Variants in RFFL observed in about 807,000 individuals in gnomAD.
The protein encoded by RFFL is ring finger and FYVE like domain containing E3 ubiquitin protein ligase, also known as E3 ubiquitin-protein ligase rififylin.
Under a neutral mutation model 40.4 loss-of-function variants are expected in RFFL, and 16 were observed. That is an observed-to-expected ratio of 0.40 (90% CI 0.27 to 0.60). RFFL has a LOEUF of 0.60. RFFL is among the 20% of genes least tolerant of loss of function. The pLI, the probability that RFFL is intolerant of heterozygous loss-of-function variation, is 0.47. For missense variants in RFFL, 367 were observed against 451.7 expected (o/e 0.81, Z 1.70); for synonymous variants, 154 against 167.9 (o/e 0.92, Z 0.64).
At chr17:35,017,982 C>T (rs1225155147) in intron 3 of RFFL, among the ~76,000 whole-genome samples, 3 of 152,180 alleles carry the variant, frequency 2.0e-5, no homozygotes, top group East Asian at 1.9e-4. Context: ...TTTCTTGACA[C>T]TGATCCAAAA....
chr17:35,078,682 G>A (rs1327110587), intron 1 of RFFL, among the ~76,000 whole-genome samples: 1 of 152,154 alleles, frequency 6.6e-6, no homozygotes, highest in Non-Finnish European at 1.5e-5. Flanking sequence ...CTTAAAAAGG[G>A]ATAGGCTGGG....
chr17:35,026,684 A>G, intron 1 of RFFL, 123 bp from the exon 2 acceptor site: 1 of 723,260 alleles, frequency 1.4e-6, no homozygotes, highest in South Asian at 1.7e-5. Context: ...GGTGGAGGGG[A>G]GGATGTGTTT....
At position 35,026,070 on chromosome 17, in the gene RFFL, G is replaced by A. The variant is rs1243207310; in HGVS notation, c.180+304C>T. Among the ~76,000 whole-genome samples the A allele has an allele frequency of 3.3e-5, 5 of 152,286 alleles. No individual in the cohort carries two copies. The East Asian group carries it at 5.8e-4, about 18-fold the overall frequency. On this transcript the variant is annotated intron_variant, in intron 2 of 6. Transcript: ENST00000394597. Reference sequence around the variant, plus strand: ...TTATTCCCACAACCCTGAAAGATGAGGACTACAATCATCCCCATTTTATAA... The same window carrying A: ...TTATTCCCACAACCCTGAAAGATGAAGACTACAATCATCCCCATTTTATAA...
At chr17:35,015,128 C>T (rs12942975) in intron 5 of RFFL, among the ~76,000 whole-genome samples, 3,828 of 152,134 alleles carry the variant, frequency 0.025, 165 homozygotes, top group African/African-American at 0.086. Flanking sequence ...CCACCACTCC[C>T]GGCTAATTTT....
intron 1 of RFFL, among the ~76,000 whole-genome samples, chr17:35,033,590 G>A (rs925297825): frequency 2.6e-5 from 4 of 152,028 alleles, no homozygotes; most frequent in South Asian, 4.1e-4. Flanking sequence ...AGATTAGGGG[G>A]TAGGTCTATT....
At chr17:35,025,513 G>A (rs1023823172) in intron 2 of RFFL, among the ~76,000 whole-genome samples, 1 of 152,172 alleles carries the variant, frequency 6.6e-6, no homozygotes, top group African/African-American at 2.4e-5. Context: ...AGGATTAAAT[G>A]AAATAAAAAA....
At chr17:35,018,371 G>T (rs976306247) in intron 3 of RFFL, among the ~76,000 whole-genome samples, 2 of 152,136 alleles carry the variant, frequency 1.3e-5, no homozygotes, top group African/African-American at 4.8e-5. Flanking sequence ...CTTCTCAAAA[G>T]GTTCCTCCTG....
intron 1 of RFFL, among the ~76,000 whole-genome samples, chr17:35,039,262 C>T (rs906942865): frequency 6.6e-6 from 1 of 152,092 alleles, no homozygotes; most frequent in African/African-American, 2.4e-5. Flanking sequence ...GCTCTGTCGC[C>T]AGGCTGGAGT....
At chr17:35,024,414 A>G (rs147431660) in intron 2 of RFFL, among the ~76,000 whole-genome samples, 79 of 152,310 alleles carry the variant, frequency 5.2e-4, no homozygotes, top group African/African-American at 1.8e-3. Flanking sequence ...GGCTCCAAGC[A>G]TAACCTCATC....
At chr17:35,051,283 G>C (rs1181844307) in intron 1 of RFFL, among the ~76,000 whole-genome samples, 1 of 152,164 alleles carries the variant, frequency 6.6e-6, no homozygotes. Context: ...CTTCAGCCAA[G>C]CTCAAATACT....
At chr17:35,082,553 G>A (rs1000338959) in intron 1 of RFFL, among the ~76,000 whole-genome samples, 2 of 152,130 alleles carry the variant, frequency 1.3e-5, no homozygotes, top group African/African-American at 4.8e-5. Context: ...ATATTCTCTG[G>A]TTCTTAACTT....
chr17:35,052,090 G>GA (rs2091234921), intron 1 of RFFL, among the ~76,000 whole-genome samples: 1 of 152,188 alleles, frequency 6.6e-6, no homozygotes, highest in Non-Finnish European at 1.5e-5. Flanking sequence ...TCCAGCTGTA[G>GA]AAAAATTTGA....
chr17:35,083,119 C>T (rs575829201), intron 1 of RFFL, among the ~76,000 whole-genome samples: 19 of 152,294 alleles, frequency 1.2e-4, no homozygotes, highest in African/African-American at 4.6e-4. Flanking sequence ...TGACTTTATT[C>T]TAAAATTTGA....
chr17:35,074,566 CTG>C lies in RFFL; in HGVS notation c.-9+14537_-9+14538del. Among the ~76,000 whole-genome samples, 3 of 152,304 alleles carry C rather than the reference CTG, an allele frequency of 2.0e-5. No homozygotes were observed. The South Asian group carries it at 6.2e-4, about 32-fold the overall frequency. ...CAGCTGGAATACTTGGGTTCCAACA[CTG>C]TGAGGCTTTGGGCCCCCTCTTTAAT... is the stretch of plus-strand genomic sequence containing the variant. On this transcript the variant is annotated intron_variant, in intron 1 of 6. Transcript: ENST00000315249.
At chr17:35,016,194 A>G (rs1450206909) in intron 5 of RFFL, among the ~76,000 whole-genome samples, 176 bp downstream of exon 5, 1 of 152,190 alleles carries the variant, frequency 6.6e-6, no homozygotes, top group Non-Finnish European at 1.5e-5. Flanking sequence ...TGCAATGCCT[A>G]ATCTAGTTTT....
chr17:35,026,416 G>A lies in RFFL; in HGVS notation c.138C>T (p.Ser46=), dbSNP rs1432767829. 2 of 1,613,914 alleles carry A rather than the reference G, an allele frequency of 1.2e-6. No homozygotes were observed. Among genetic ancestry groups the A allele is most frequent in the African/African-American group, 2.7e-5 (2 of 74,916 alleles). ...SFPSPTGLEP[S]CKSCGAHFAN... ...CAAAGTGAGCCCCACAGGACTTGCA[G>A]CTTGGTTCCAAGCCTGTTGGGGAAG... is the stretch of plus-strand genomic sequence containing the variant. The change falls in exon 2 of 7, where the codon AGC becomes AGT. Residue 46 remains serine, a synonymous_variant. Coordinates refer to ENST00000394597, the MANE Select transcript of RFFL (RefSeq NM_001017368.2).
chr17:35,030,780 A>G lies in RFFL; in HGVS notation c.-8-4219T>C, dbSNP rs533368093. Reference sequence around the variant, plus strand: ...TCACACGTTGACAGACAAATCTGAGACAGTATGTAATAATAAAAAGAATAT... The same window carrying G: ...TCACACGTTGACAGACAAATCTGAGGCAGTATGTAATAATAAAAAGAATAT... On this transcript the variant is annotated intron_variant, in intron 1 of 6. Transcript: ENST00000394597. Among the ~76,000 whole-genome samples the G allele has an allele frequency of 7.9e-5, 12 of 152,150 alleles. No individual in the cohort carries two copies. The East Asian group carries it at 2.3e-3, about 29-fold the overall frequency.
intron 1 of RFFL, among the ~76,000 whole-genome samples, chr17:35,080,426 C>T (rs2091398248): frequency 6.6e-6 from 1 of 152,008 alleles, no homozygotes; most frequent in East Asian, 1.9e-4. Flanking sequence ...GGATAAAATA[C>T]GTTGATTCAA....
intron 3 of RFFL, among the ~76,000 whole-genome samples, chr17:35,019,565 G>A (rs1305831375): frequency 6.6e-6 from 1 of 151,574 alleles, no homozygotes; most frequent in African/African-American, 2.4e-5. Flanking sequence ...GTAGAGACAG[G>A]TTTTTGCCAT....
Sources: allele counts gnomAD v4.1 joint callset (sites outside exome capture counted in the v4.1 genomes callset), GRCh38; gene constraint gnomAD v4.1.1; transcripts MANE v1.5; gene names NCBI Gene and HGNC (gene_info 2026-07-23, HGNC 2026-07-21).